Variants in PDE2A observed in about 807,000 individuals in gnomAD.
PDE2A encodes phosphodiesterase 2A.
Under a neutral mutation model 133.6 loss-of-function variants are expected in PDE2A, and 53 were observed. That is an observed-to-expected ratio of 0.40 (90% CI 0.32 to 0.50). The LOEUF is 0.50. Among genes scored for constraint, PDE2A ranks in the 20% least tolerant of loss-of-function variants. The pLI, the probability that PDE2A is intolerant of heterozygous loss-of-function variation, is 0.73. For synonymous variants in PDE2A, 491 were observed against 490.2 expected (o/e 1.00, Z -0.02); for missense variants, 796 against 1,232.4 (o/e 0.65, Z 5.30).
intron 1 of PDE2A, among the ~76,000 whole-genome samples, chr11:72,667,778 A>T (rs1024655297): frequency 6.6e-5 from 10 of 151,852 alleles, no homozygotes; most frequent in African/African-American, 2.4e-4. Context: ...TGGGAGGCCC[A>T]GGCAGGAGGA....
At chr11:72,672,636 G>A (rs554468059) in intron 1 of PDE2A, among the ~76,000 whole-genome samples, 1 of 152,084 alleles carries the variant, frequency 6.6e-6, no homozygotes, top group African/African-American at 2.4e-5. Flanking sequence ...ACTCTATACA[G>A]TGTCTTCACT....
intron 1 of PDE2A, among the ~76,000 whole-genome samples, chr11:72,657,231 C>T (rs1281551350): frequency 6.6e-6 from 1 of 152,162 alleles, no homozygotes. Context: ...CCTCACTCAG[C>T]TCCCCGGGGT....
chr11:72,654,102 G>A (rs986810941), intron 1 of PDE2A, among the ~76,000 whole-genome samples: 3 of 152,160 alleles, frequency 2.0e-5, no homozygotes, highest in African/African-American at 7.2e-5. Context: ...CTCCATAGTG[G>A]GCAGAGCTCC....
chr11:72,658,130 T>G (rs1044987601), intron 1 of PDE2A: 3 of 456,120 alleles, frequency 6.6e-6, no homozygotes, highest in African/African-American at 6.0e-5. Flanking sequence ...TCTCAGCTAA[T>G]CCTCCCATCC....
At chr11:72,625,504 G>T (rs1858012955) in intron 2 of PDE2A, among the ~76,000 whole-genome samples, 1 of 152,238 alleles carries the variant, frequency 6.6e-6, no homozygotes. Flanking sequence ...TAAAGTTGAG[G>T]AAGACTTCCC....
intron 1 of PDE2A, among the ~76,000 whole-genome samples, chr11:72,649,547 G>A (rs967529997): frequency 4.6e-5 from 7 of 152,366 alleles, no homozygotes; most frequent in South Asian, 2.1e-4. Flanking sequence ...GCCCAGGGAC[G>A]TCTGGAAGGT....
At position 72,596,651 on chromosome 11, in the gene PDE2A, G is replaced by A; in HGVS notation, c.434-3C>T. On this transcript the variant is annotated splice_polypyrimidine_tract_variant and splice_region_variant and intron_variant, in intron 5 of 30. Transcript: ENST00000334456. ...GTCCGCTAGCGGCATGACCAGCACT[G>A]AGGGGGAGAGGGCAATGAGGTGCTC... is the stretch of plus-strand genomic sequence containing the variant. 6.8e-7 allele frequency: 1 copy of A among 1,460,934 alleles called. No homozygotes were observed. The highest frequency in any genetic ancestry group is 1.4e-5 in the African/African-American group (1 of 69,752). The allele number at this position is 1,460,934 out of a possible 1,614,324, so 90.5% of individuals were successfully genotyped here.
In PDE2A at chr11:72,597,591, C is replaced by A; in HGVS notation, c.352G>T (p.Gly118Cys). The A allele has an allele frequency of 6.2e-7, 1 of 1,613,056 alleles. No individual in the cohort carries two copies. The highest frequency in any genetic ancestry group is 8.5e-7 in the Non-Finnish European group (1 of 1,179,814). ...TCTGAGAAGCCCAGCCCATTGCAGC[C>A]CAGCCGCTTCTGGGAGATGATAGCC... ...REAIISQKRL[G>C]CNGLGFSDLP... Residue 118 changes from glycine to cysteine, a missense_variant, in exon 5 of 31, where the codon GGC becomes TGC. Gly to Cys is a radical substitution (Grantham distance 159). Coordinates refer to ENST00000334456, the MANE Select transcript of PDE2A (RefSeq NM_002599.5). This position sits in a 1 kb window ranked among gnomAD's most constrained non-coding sequence, Gnocchi z 4.6.
At position 72,578,385 on chromosome 11, in the gene PDE2A, G is replaced by A. The variant is rs774561700; in HGVS notation, c.2509-46C>T. On this transcript the variant is annotated intron_variant, in intron 29 of 30. Transcript: ENST00000334456. The surrounding 1 kb of genome is among the most constrained non-coding windows in gnomAD (Gnocchi z 4.2). ...GGCCTGTCCCTCTCATTCCTCCATC[G>A]GGTACCAGGGTCAGGCTAGTTCAAG... 16 of 1,575,248 alleles carry A rather than the reference G, an allele frequency of 1.0e-5. No individual in the cohort carries two copies. The East Asian group carries it at 1.1e-4, about 11-fold the overall frequency.
rs1855550496 is a variant in PDE2A at position 72,578,167 on chromosome 11, G to C, written c.2615+66C>G. 9.9e-7 allele frequency: 1 copy of C among 1,014,756 alleles called. No homozygotes were observed. Among genetic ancestry groups the C allele is most frequent in the Non-Finnish European group, 1.6e-6 (1 of 638,118 alleles). 62.9% of individuals were successfully genotyped at this position (1,014,756 alleles called of 1,614,324 possible). ...GCCAATCTCAGCACCTGTGTTTCCTGTGATGTCCCCACTCCAGCCTACCCT... is the reference window on the plus strand; with the variant it reads ...GCCAATCTCAGCACCTGTGTTTCCTCTGATGTCCCCACTCCAGCCTACCCT... On this transcript the variant is annotated intron_variant, in intron 30 of 30. Transcript: ENST00000334456. The surrounding 1 kb of genome is among the most constrained non-coding windows in gnomAD (Gnocchi z 4.2).
In PDE2A at chr11:72,591,066, C is replaced by T. The variant is rs917732608; in HGVS notation, c.549+231G>A. On this transcript the variant is annotated intron_variant, in intron 7 of 30. Coordinates refer to ENST00000334456, the MANE Select transcript of PDE2A (RefSeq NM_002599.5). Reference sequence around the variant, plus strand: ...CCGTGTGTATTTACAAGATATTTGACCAGTTTTGTTTCACCACTGCCCTAG... The same window carrying T: ...CCGTGTGTATTTACAAGATATTTGATCAGTTTTGTTTCACCACTGCCCTAG... The T allele has an allele frequency of 1.2e-5, 6 of 519,320 alleles. No homozygotes were observed. The East Asian group carries it at 1.9e-4, about 16-fold the overall frequency. The allele number at this position is 519,320 out of a possible 1,614,324, so 32.2% of individuals were successfully genotyped here.
intron 1 of PDE2A, among the ~76,000 whole-genome samples, chr11:72,666,564 C>A (rs1209868351): frequency 2.0e-5 from 3 of 152,060 alleles, no homozygotes; most frequent in Admixed American, 6.6e-5. Flanking sequence ...AAAGCGCGAC[C>A]CAGGAGAAAA....
intron 2 of PDE2A, among the ~76,000 whole-genome samples, chr11:72,628,611 G>A (rs893782644): frequency 6.6e-6 from 1 of 152,342 alleles, no homozygotes; most frequent in Middle Eastern, 3.4e-3. Context: ...TTACAAGCGT[G>A]AGCCACCGCT....
intron 1 of PDE2A, 68 bp from the exon 2 acceptor site, chr11:72,642,394 C>T (rs1210473179): frequency 1.1e-5 from 14 of 1,295,126 alleles, no homozygotes; most frequent in Non-Finnish European, 1.4e-5. Flanking sequence ...GCCGCCCGCC[C>T]GCCCGCCGGC....
intron 4 of PDE2A, among the ~76,000 whole-genome samples, chr11:72,603,410 C>G (rs1460210004): frequency 2.6e-5 from 4 of 152,158 alleles, no homozygotes; most frequent in African/African-American, 7.2e-5. Flanking sequence ...ACCGCAGATA[C>G]GCACCCACTC....
intron 7 of PDE2A, 25 bp downstream of exon 7, chr11:72,591,272 T>G (rs1043670866): frequency 6.3e-7 from 1 of 1,598,818 alleles, no homozygotes; most frequent in Admixed American, 1.7e-5. Flanking sequence ...TCAGCCTCAT[T>G]GCACATGGCC....
At chr11:72,650,043 T>C (rs1854683659) in intron 1 of PDE2A, among the ~76,000 whole-genome samples, 1 of 147,122 alleles carries the variant, frequency 6.8e-6, no homozygotes, top group African/African-American at 2.5e-5. Context: ...TTTTTTTAGA[T>C]GGAGTCTTGC....
At position 72,603,746 on chromosome 11, in the gene PDE2A, T is replaced by C. The variant is rs536442005; in HGVS notation, c.323+1392A>G. ...GGACACAAAGGCTAGAGAGAGGTGG[T>C]AATGGCTTTGTTCCCATGCTCCTTG... On this transcript the variant is annotated intron_variant, in intron 4 of 30. Coordinates refer to ENST00000334456, the MANE Select transcript of PDE2A (RefSeq NM_002599.5). Among the ~76,000 whole-genome samples, 6 of 152,240 alleles carry C rather than the reference T, an allele frequency of 3.9e-5. No individual in the cohort carries two copies. The East Asian group carries it at 1.2e-3, about 29-fold the overall frequency.
chr11:72,586,853 T>A (rs1441914447), intron 13 of PDE2A, among the ~76,000 whole-genome samples: 1 of 152,224 alleles, frequency 6.6e-6, no homozygotes, highest in Non-Finnish European at 1.5e-5. Flanking sequence ...ACTTTTTGGC[T>A]GGCCTTGGTG....
Sources: allele counts gnomAD v4.1 joint callset (sites outside exome capture counted in the v4.1 genomes callset), GRCh38; gene constraint gnomAD v4.1.1; non-coding constraint Gnocchi (gnomAD v3.1); transcripts MANE v1.5; gene names NCBI Gene and HGNC (gene_info 2026-07-23, HGNC 2026-07-21).